ARHGAP39: variants seen among roughly 807,000 people sequenced by gnomAD.
ARHGAP39 encodes rho GTPase-activating protein 39.
ARHGAP39 carries 44 observed loss-of-function variants against 106.9 expected under a neutral mutation model. The ratio of observed to expected loss-of-function variants is 0.41; its 90% CI spans 0.32 to 0.53. ARHGAP39 has a LOEUF of 0.53. Ranked by LOEUF, ARHGAP39 falls within the 20% of genes least tolerant of loss-of-function variation. ARHGAP39 has a pLI of 0.21. For missense variants in ARHGAP39, 1,496 were observed against 1,577.3 expected, an observed-to-expected ratio of 0.95 and a Z score of 0.87; for synonymous variants, 768 against 693.2, an observed-to-expected ratio of 1.11 and a Z score of -1.69.
rs753670193 is a variant in ARHGAP39 at position 144,647,868 on chromosome 8, A to ATT, written c.-82+37817_-82+37818insAA. Among the ~76,000 whole-genome samples, 1 of 152,260 alleles carries ATT rather than the reference A, an allele frequency of 6.6e-6. No individual in the cohort carries two copies. The highest frequency in any genetic ancestry group is 1.5e-5 in the Non-Finnish European group (1 of 68,040). ...CCATGTGCCAAGTACTGTACATAAA[A>ATT]TAAGTCCATATCCAGACTCATTGCC... On this transcript the variant is annotated intron_variant, in intron 1 of 11. Coordinates refer to ENST00000377307, the MANE Select transcript of ARHGAP39 (RefSeq NM_025251.3). This position sits in a 1 kb window ranked among gnomAD's most constrained non-coding sequence, Gnocchi z 4.8.
intron 1 of ARHGAP39, among the ~76,000 whole-genome samples, chr8:144,676,267 T>G (rs1182166639): frequency 1.3e-5 from 2 of 152,218 alleles, no homozygotes; most frequent in Non-Finnish European, 2.9e-5. Context: ...GGGTGCTGAT[T>G]AGTATGTTTA....
intron 1 of ARHGAP39, among the ~76,000 whole-genome samples, chr8:144,659,447 TTC>T (rs757110382): frequency 7.2e-5 from 11 of 152,208 alleles, no homozygotes; most frequent in Non-Finnish European, 1.0e-4. Context: ...GTGTTCAACT[TTC>T]TGTTTCCATT....
chr8:144,582,349 C>T (rs1365666193), intron 2 of ARHGAP39, among the ~76,000 whole-genome samples: 1 of 152,212 alleles, frequency 6.6e-6, no homozygotes, highest in Non-Finnish European at 1.5e-5. Flanking sequence ...CTGTGATGCG[C>T]ACCACACCTG....
chr8:144,684,400 T>A lies in ARHGAP39; in HGVS notation c.-82+1286A>T, dbSNP rs1822521523. 1.3e-5 allele frequency among the ~76,000 whole-genome samples: 2 copies of A among 152,192 alleles called. No homozygotes were observed. The highest frequency in any genetic ancestry group is 4.8e-5 in the African/African-American group (2 of 41,460). On this transcript the variant is annotated intron_variant, in intron 1 of 11. Transcript: ENST00000377307. This position sits in a 1 kb window ranked among gnomAD's most constrained non-coding sequence, Gnocchi z 4.4. ...AGGGCACCTAGGACGCAGCGTCCAA[T>A]TCCCCTCACTGGCTTCAAAAGACAA...
upstream of ARHGAP39, among the ~76,000 whole-genome samples, chr8:144,690,167 G>C (rs759708412): frequency 6.6e-6 from 1 of 151,578 alleles, no homozygotes; most frequent in Non-Finnish European, 1.5e-5. Context: ...GCAATGGCAT[G>C]ATCTCAGCTC....
At chr8:144,629,109 G>A (rs1018549818) in intron 1 of ARHGAP39, among the ~76,000 whole-genome samples, 2 of 152,136 alleles carry the variant, frequency 1.3e-5, no homozygotes, top group Non-Finnish European at 2.9e-5. Context: ...TTTTCTGTAG[G>A]TTCACAAAGT....
chr8:144,543,236 G>C (rs1265113663), intron 6 of ARHGAP39, among the ~76,000 whole-genome samples: 1 of 152,174 alleles, frequency 6.6e-6, no homozygotes, highest in Non-Finnish European at 1.5e-5. Context: ...TTGGCCCAGA[G>C]TGCTGGGATT....
rs1450470835 is a variant in ARHGAP39 at position 144,645,701 on chromosome 8, C to A, written c.-82+39985G>T. On this transcript the variant is annotated intron_variant, in intron 1 of 11. Coordinates refer to ENST00000377307, the MANE Select transcript of ARHGAP39 (RefSeq NM_025251.3). This position sits in a 1 kb window ranked among gnomAD's most constrained non-coding sequence, Gnocchi z 4.4. Reference sequence around the variant, plus strand: ...TTCTTATCCTCTAGAAAAAACCATCCCCAAACCCAGACGTGCTCTCAGGAA... The same window carrying A: ...TTCTTATCCTCTAGAAAAAACCATCACCAAACCCAGACGTGCTCTCAGGAA... 6.6e-6 allele frequency among the ~76,000 whole-genome samples: 1 copy of A among 152,216 alleles called. No individual in the cohort carries two copies. The highest frequency in any genetic ancestry group is 1.5e-5 in the Non-Finnish European group (1 of 68,032).
At chr8:144,587,442 G>A (rs1226460063) in intron 2 of ARHGAP39, among the ~76,000 whole-genome samples, 3 of 152,220 alleles carry the variant, frequency 2.0e-5, no homozygotes, top group Non-Finnish European at 4.4e-5. Context: ...AAAGAATTGA[G>A]TGGAAAATCT....
chr8:144,579,993 C>T (rs1288295623), intron 3 of ARHGAP39, among the ~76,000 whole-genome samples: 6 of 152,104 alleles, frequency 3.9e-5, no homozygotes, highest in African/African-American at 1.4e-4. Flanking sequence ...TCGGCTCTTC[C>T]CCACTGTCCT....
At chr8:144,694,069 G>C in the ARHGAP39 span, among the ~76,000 whole-genome samples, 1 of 152,226 alleles carries the variant, frequency 6.6e-6, no homozygotes, top group Non-Finnish European at 1.5e-5. Flanking sequence ...CTACCAAGAG[G>C]AGAAAGAGCA....
In ARHGAP39 at chr8:144,605,653, G is replaced by A. The variant is rs1320171563; in HGVS notation, c.-39C>T. 1.3e-6 allele frequency: 2 copies of A among 1,595,790 alleles called. No individual in the cohort carries two copies. Among genetic ancestry groups the A allele is most frequent in the Admixed American group, 1.7e-5 (1 of 59,976 alleles). On this transcript the variant is annotated 5_prime_UTR_variant, in exon 2 of 12. Coordinates refer to ENST00000377307, the MANE Select transcript of ARHGAP39 (RefSeq NM_025251.3). ...CGCGCCCACGTGGACAGACGTCAGG[G>A]CACCATACGCACAACGCCAGCATCA... is the stretch of plus-strand genomic sequence containing the variant.
At chr8:144,688,030 G>A (rs982077089), upstream of ARHGAP39, among the ~76,000 whole-genome samples, 5 of 151,726 alleles carry the variant, frequency 3.3e-5, no homozygotes, top group Non-Finnish European at 4.4e-5. Flanking sequence ...CATTTACAGT[G>A]AGCATTTCCC....
At chr8:144,659,462 G>T (rs1563727272) in intron 1 of ARHGAP39, among the ~76,000 whole-genome samples, 1 of 152,154 alleles carries the variant, frequency 6.6e-6, no homozygotes, top group African/African-American at 2.4e-5. Context: ...TTTCCATTGA[G>T]TCCTGTCTTA....
intron 1 of ARHGAP39, among the ~76,000 whole-genome samples, chr8:144,633,990 T>C (rs1821127737): frequency 1.3e-5 from 2 of 152,254 alleles, no homozygotes; most frequent in African/African-American, 4.8e-5. Context: ...TCTTACCCAA[T>C]TAACGGGAAA....
the ARHGAP39 span, among the ~76,000 whole-genome samples, chr8:144,700,172 C>T: frequency 4.6e-5 from 7 of 152,328 alleles, no homozygotes; most frequent in East Asian, 5.8e-4. This position sits in a 1 kb window ranked among gnomAD's most constrained non-coding sequence, Gnocchi z 5.6. Flanking sequence ...CAGTCTCCCC[C>T]CTGGAGATCC....
At position 144,566,180 on chromosome 8, in the gene ARHGAP39, A is replaced by G. The variant is rs548946349; in HGVS notation, c.513-10537T>C. ...AGACCATAAACTGAGAGGTCCAAGA[A>G]GCTACACGAACCCCAGCACAAGGAA... On this transcript the variant is annotated intron_variant, in intron 3 of 11. Transcript: ENST00000377307. Among the ~76,000 whole-genome samples the G allele has an allele frequency of 2.6e-5, 4 of 152,216 alleles. No homozygotes were observed. The South Asian group carries it at 8.3e-4, about 32-fold the overall frequency.
intron 11 of ARHGAP39, 28 bp from the exon 12 acceptor site, chr8:144,530,644 A>AGGGGAGGGGGGGGGGGGGGGGGGGGG: frequency 5.3e-6 from 1 of 189,584 alleles, no homozygotes; most frequent in Non-Finnish European, 6.9e-6. Context: ...GTGGGCGCGG[A>AGGGGAGGGGGGGGGGGGGGGGGGGGG]GGGGCGGGGG....
intron 3 of ARHGAP39, among the ~76,000 whole-genome samples, chr8:144,561,403 C>CGG (rs1818147360): frequency 1.4e-5 from 2 of 147,656 alleles, no homozygotes; most frequent in African/African-American, 4.9e-5. Flanking sequence ...TGGTGTCCAT[C>CGG]ACACTCCAGT....
Sources: allele counts gnomAD v4.1 joint callset (sites outside exome capture counted in the v4.1 genomes callset), GRCh38; gene constraint gnomAD v4.1.1; non-coding constraint Gnocchi (gnomAD v3.1); transcripts MANE v1.5; gene names NCBI Gene and HGNC (gene_info 2026-07-23, HGNC 2026-07-21).